ADGRV1: variants seen among roughly 807,000 people sequenced by gnomAD.
ADGRV1 encodes the protein adhesion G protein-coupled receptor V1.
Under a neutral mutation model 596.2 loss-of-function variants are expected in ADGRV1, and 359 were observed. That is an observed-to-expected ratio of 0.60 (90% CI 0.55 to 0.66). The LOEUF (loss-of-function observed/expected upper bound fraction) is 0.66, where lower values mean the gene tolerates loss of function less well. ADGRV1 is among the 30% of genes least tolerant of loss of function. ADGRV1 has a pLI of 0.00. For synonymous variants in ADGRV1, 2,681 were observed against 2,679.2 expected (o/e 1.00, Z -0.02); for missense variants, 7,274 against 7,575.6 (o/e 0.96, Z 1.48).
chr5:90,652,716 T>G (rs1768816662), intron 19 of ADGRV1, among the ~76,000 whole-genome samples, 153 bp downstream of exon 19: 1 of 152,206 alleles, frequency 6.6e-6, no homozygotes, highest in Non-Finnish European at 1.5e-5. Flanking sequence ...AATACCCTTC[T>G]TGTTTCAAGT....
chr5:90,806,648 C>T (rs1221688975), intron 72 of ADGRV1, among the ~76,000 whole-genome samples: 3 of 152,088 alleles, frequency 2.0e-5, no homozygotes, highest in Admixed American at 2.0e-4. Flanking sequence ...CGGCTTTGTG[C>T]TTACATATCA....
chr5:90,576,728 T>C (rs6888355), intron 1 of ADGRV1, among the ~76,000 whole-genome samples: 57,177 of 152,030 alleles, frequency 0.38, 11,725 homozygotes, highest in African/African-American at 0.54. Context: ...ACAGTCCCAC[T>C]GACCAACAGT....
chr5:90,783,819 G>A lies in ADGRV1; in HGVS notation c.13434-19G>A. On this transcript the variant is annotated intron_variant, in intron 66 of 89. Transcript: ENST00000405460. ...TTAATATGTTTAGACTCACAGAATT[G>A]CTCCTTCTTGCCATGCAGTGAATTT... 6.4e-7 allele frequency: 1 copy of A among 1,556,210 alleles called. No homozygotes were observed. The highest frequency in any genetic ancestry group is 1.2e-5 in the South Asian group (1 of 85,930).
intron 87 of ADGRV1, among the ~76,000 whole-genome samples, chr5:91,133,633 G>A (rs544556376): frequency 2.6e-5 from 4 of 152,306 alleles, no homozygotes; most frequent in East Asian, 3.9e-4. Context: ...AGATGTGGAC[G>A]ACAATGTTAC....
At chr5:90,681,241 C>T (rs1744886792) in intron 26 of ADGRV1, 74 bp from the exon 27 acceptor site, 3 of 1,537,598 alleles carry the variant, frequency 2.0e-6, no homozygotes, top group Non-Finnish European at 2.6e-6. Flanking sequence ...AAAGTTGTTC[C>T]TTGGCTTTTT....
At chr5:90,760,974 A>T (rs1756453966) in intron 58 of ADGRV1, among the ~76,000 whole-genome samples, 1 of 152,244 alleles carries the variant, frequency 6.6e-6, no homozygotes, top group Non-Finnish European at 1.5e-5. Flanking sequence ...AATTAGCCAT[A>T]AAAATATTTA....
At chr5:90,643,488 CTAATT>C (rs1299304183) in intron 13 of ADGRV1, among the ~76,000 whole-genome samples, 2 of 152,112 alleles carry the variant, frequency 1.3e-5, no homozygotes, top group Non-Finnish European at 2.9e-5. Context: ...ATATGTAACT[CTAATT>C]TTATTTTATT....
chr5:90,690,851 T>G lies in ADGRV1; in HGVS notation c.6761T>G (p.Val2254Gly), dbSNP rs751045125. Reference sequence around the variant, plus strand: ...GAACCTGAGTTTAACTCAGTGAAGGTAAACCTGCCAATAATTCGAAATTCT... The same window carrying G: ...GAACCTGAGTTTAACTCAGTGAAGGGAAACCTGCCAATAATTCGAAATTCT... ...VEEPEFNSVK[V>G]NLPIIRNSGT... Residue 2254 changes from valine to glycine, a missense_variant, in exon 31 of 90, where the codon GTA becomes GGA. This residue lies in a region of ADGRV1 where 3,643 missense variants were observed against 3,809.2 expected (regional missense o/e 0.96). Transcript: ENST00000405460. 6.2e-7 allele frequency: 1 copy of G among 1,607,778 alleles called. No homozygotes were observed. The highest frequency in any genetic ancestry group is 8.5e-7 in the Non-Finnish European group (1 of 1,176,642).
intron 11 of ADGRV1, 87 bp downstream of exon 11, chr5:90,638,035 T>C: frequency 1.1e-6 from 1 of 929,940 alleles, no homozygotes; most frequent in Non-Finnish European, 1.6e-6. Flanking sequence ...CTTTTTTTTC[T>C]ATATAAAGTA....
At chr5:91,112,791 T>C (rs796926772) in intron 87 of ADGRV1, among the ~76,000 whole-genome samples, 2 of 152,324 alleles carry the variant, frequency 1.3e-5, no homozygotes, top group African/African-American at 4.8e-5. Flanking sequence ...GCAACCTCTA[T>C]TTTACCAAGC....
At chr5:90,742,198 A>G (rs1419421737) in intron 50 of ADGRV1, among the ~76,000 whole-genome samples, 1 of 152,232 alleles carries the variant, frequency 6.6e-6, no homozygotes. Context: ...AATCATACAT[A>G]TAAGTTTCTA....
intron 85 of ADGRV1, among the ~76,000 whole-genome samples, chr5:91,055,870 A>G (rs1349197677): frequency 1.3e-5 from 2 of 152,244 alleles, no homozygotes; most frequent in African/African-American, 4.8e-5. Flanking sequence ...ACACATCTTT[A>G]TTAATCAAAA....
chr5:90,605,166 CA>C (rs1048679523), intron 1 of ADGRV1, among the ~76,000 whole-genome samples: 11 of 152,124 alleles, frequency 7.2e-5, no homozygotes, highest in African/African-American at 2.7e-4. Flanking sequence ...TATGTAACCC[CA>C]ACACTCTGGG....
chr5:90,732,092 A>G (rs1397152393), intron 50 of ADGRV1, among the ~76,000 whole-genome samples: 1 of 152,148 alleles, frequency 6.6e-6, no homozygotes, highest in Admixed American at 6.5e-5. Flanking sequence ...CCTTGAACAC[A>G]TGAGTTCAAG....
At chr5:91,098,941 C>A (rs976737236) in intron 86 of ADGRV1, among the ~76,000 whole-genome samples, 2 of 152,202 alleles carry the variant, frequency 1.3e-5, no homozygotes, top group African/African-American at 4.8e-5. Context: ...GATACCTAAT[C>A]TTTGAAAATT....
intron 85 of ADGRV1, among the ~76,000 whole-genome samples, chr5:91,035,289 C>T (rs1784774063): frequency 6.6e-6 from 1 of 152,166 alleles, no homozygotes; most frequent in South Asian, 2.1e-4. Context: ...TCCATCTTCC[C>T]TTGGTGTCAC....
At chr5:91,138,181 A>C (rs1301331100) in intron 87 of ADGRV1, among the ~76,000 whole-genome samples, 1 of 152,012 alleles carries the variant, frequency 6.6e-6, no homozygotes, top group East Asian at 1.9e-4. Context: ...TTCAGCTCTT[A>C]TTCCAAAAAA....
At chr5:90,923,035 G>C (rs866408544) in intron 83 of ADGRV1, among the ~76,000 whole-genome samples, 1 of 152,004 alleles carries the variant, frequency 6.6e-6, no homozygotes, top group Non-Finnish European at 1.5e-5. Context: ...AAGAAGTTAT[G>C]CTTAGAATTT....
At chr5:90,989,245 A>C (rs908021719) in intron 85 of ADGRV1, among the ~76,000 whole-genome samples, 1 of 152,118 alleles carries the variant, frequency 6.6e-6, no homozygotes, top group African/African-American at 2.4e-5. Context: ...GAACTAGTTT[A>C]CAGTCCCACC....
Sources: allele counts gnomAD v4.1 joint callset (sites outside exome capture counted in the v4.1 genomes callset), GRCh38; gene constraint gnomAD v4.1.1; regional missense constraint gnomAD v4.1.1; transcripts MANE v1.5; gene names NCBI Gene and HGNC (gene_info 2026-07-23, HGNC 2026-07-21).